The following PCNX1 variants were observed in gnomAD, a reference collection of about 807,000 sequenced individuals.
PCNX1 encodes pecanex-like protein 1.
Under a neutral mutation model 242.2 loss-of-function variants are expected in PCNX1, and 78 were observed. The observed-to-expected ratio is 0.32, with a 90% CI of 0.27 to 0.39. PCNX1 has a LOEUF of 0.39. PCNX1 is among the 10% of genes least tolerant of loss of function. The pLI, the probability that PCNX1 is intolerant of heterozygous loss-of-function variation, is 1.00. For synonymous variants in PCNX1, 1,024 were observed against 1,032.9 expected (o/e 0.99, Z 0.17); for missense variants, 2,581 against 2,856.5 (o/e 0.90, Z 2.20).
intron 8 of PCNX1, 25 bp downstream of exon 8, chr14:70,995,950 A>T (rs778122143): frequency 6.3e-7 from 1 of 1,582,266 alleles, no homozygotes; most frequent in Non-Finnish European, 8.7e-7. Context: ...TGTAATCTTG[A>T]TGATACAAAA....
intron 8 of PCNX1, 35 bp from the exon 9 acceptor site, chr14:71,009,599 C>A: frequency 1.6e-6 from 2 of 1,281,814 alleles, no homozygotes; most frequent in South Asian, 2.9e-5. Context: ...TCTGAGTATT[C>A]TAATGGCTTT....
chr14:71,098,961 T>G (rs2062384597), intron 30 of PCNX1, among the ~76,000 whole-genome samples: 1 of 152,144 alleles, frequency 6.6e-6, no homozygotes, highest in Admixed American at 6.5e-5. Flanking sequence ...TCCTGGAGAT[T>G]TTGGCATGTT....
At chr14:70,918,555 C>A (rs569452048) in intron 1 of PCNX1, among the ~76,000 whole-genome samples, 75 of 152,282 alleles carry the variant, frequency 4.9e-4, no homozygotes, top group Admixed American at 1.6e-3. Context: ...AAATGTGACA[C>A]ACAGACAAAG....
chr14:71,026,170 C>T lies in PCNX1; in HGVS notation c.3237C>T (p.Cys1079=), dbSNP rs370947543. ...GACCAGTTTATTTCTGCATATGTTG[C>T]GGTCTTATTTGGCTCTTGGATTATG... ...YSRPVYFCIC[C]GLIWLLDYGS... The change falls in exon 14 of 36, where the codon TGC becomes TGT. Residue 1079 remains cysteine (C), a synonymous_variant. Transcript: ENST00000304743. The T allele has an allele frequency of 9.0e-5, 145 of 1,609,344 alleles. 3 individuals are homozygous for T. The highest frequency in any genetic ancestry group is 2.8e-4 in the South Asian group (25 of 90,630).
intron 1 of PCNX1, among the ~76,000 whole-genome samples, chr14:70,924,138 G>T (rs539952209): frequency 6.6e-6 from 1 of 151,570 alleles, no homozygotes; most frequent in Non-Finnish European, 1.5e-5. Context: ...AGGCTGAGGT[G>T]GGAGGATTGA....
At chr14:70,959,237 T>C (rs1208962517) in intron 2 of PCNX1, among the ~76,000 whole-genome samples, 1 of 150,958 alleles carries the variant, frequency 6.6e-6, no homozygotes, top group Non-Finnish European at 1.5e-5. Flanking sequence ...TTTTTTTTAA[T>C]TATTATTATA....
At chr14:71,051,186 A>C (rs1307780574) in intron 23 of PCNX1, among the ~76,000 whole-genome samples, 8 of 150,378 alleles carry the variant, frequency 5.3e-5, no homozygotes, top group African/African-American at 1.2e-4. Flanking sequence ...AAAAAAAAAA[A>C]AAAAAAAAAA....
chr14:70,949,290 C>G (rs544327145), intron 2 of PCNX1, among the ~76,000 whole-genome samples: 6 of 144,392 alleles, frequency 4.2e-5, no homozygotes, highest in African/African-American at 1.6e-4. Flanking sequence ...TATACACACA[C>G]GTGTGTACAC....
intron 9 of PCNX1, among the ~76,000 whole-genome samples, chr14:71,010,146 G>A (rs933933354): frequency 2.0e-5 from 3 of 151,994 alleles, no homozygotes; most frequent in African/African-American, 7.2e-5. Context: ...ATGGAAAAAA[G>A]AAAGTATTGT....
At chr14:70,921,943 A>C (rs539635115) in intron 1 of PCNX1, among the ~76,000 whole-genome samples, 8 of 152,262 alleles carry the variant, frequency 5.3e-5, no homozygotes, top group African/African-American at 2.4e-5. Context: ...GTTGTTTTTC[A>C]AAATATATGT....
In PCNX1 at chr14:71,015,031, CAG is replaced by C. The variant is rs551617205; in HGVS notation, c.2996+1830_2996+1831del. Among the ~76,000 whole-genome samples, 38 of 152,186 alleles carry C rather than the reference CAG, an allele frequency of 2.5e-4. 1 individual carries two copies. The South Asian group carries it at 7.7e-3, about 31-fold the overall frequency. ...TGTTGGAAATAACGAAGTGAAAAGA[CAG>C]TAGAGGAGCATCTTTAAAGTACTGA... On this transcript the variant is annotated intron_variant, in intron 11 of 35. Transcript: ENST00000304743.
rs752198891 is a variant in PCNX1, at chr14:71,105,320, A to G, written c.6181A>G (p.Asn2061Asp). 9 of 1,614,056 alleles carry G rather than the reference A, an allele frequency of 5.6e-6. No individual in the cohort carries two copies. The South Asian group carries it at 9.9e-5, about 18-fold the overall frequency. Residue 2061 changes from asparagine (N) to aspartate (D), a missense_variant, in exon 33 of 36, where the codon AAC (asparagine) becomes GAC (aspartate). This residue lies in a region of PCNX1 where 432 missense variants were observed against 433.6 expected (regional missense o/e 1.00). Transcript: ENST00000304743. The part of the protein sequence containing the change: ...DTGGGTSCTG[N>D]NATTANNPHS... ...TGGAGGTGGGACTTCCTGCACTGGT[A>G]ACAATGCAACAACTGCCAACAATCC...
intron 26 of PCNX1, among the ~76,000 whole-genome samples, chr14:71,058,114 TA>T (rs1465767070): frequency 1.3e-5 from 2 of 152,222 alleles, no homozygotes; most frequent in Admixed American, 1.3e-4. Flanking sequence ...TATGTTCATA[TA>T]AACACCATGC....
At chr14:71,099,498 A>C (rs1236084320) in intron 30 of PCNX1, among the ~76,000 whole-genome samples, 1 of 152,214 alleles carries the variant, frequency 6.6e-6, no homozygotes, top group Non-Finnish European at 1.5e-5. Context: ...CTTTATGGCC[A>C]GGCATGTGGT....
At position 71,051,958 on chromosome 14, in the gene PCNX1, C is replaced by T. The variant is rs1367719399; in HGVS notation, c.4523C>T (p.Ala1508Val). 1 of 1,612,050 alleles carries T rather than the reference C, an allele frequency of 6.2e-7. No homozygotes were observed. Residue 1508 changes from alanine (A) to valine (V), a missense_variant, in exon 24 of 36, where the codon GCA becomes GTA. Transcript: ENST00000304743. The part of the protein sequence containing the change: ...STPLNPFLGS[A>V]IFITSYVRPV... Reference sequence around the variant, plus strand: ...CCACTGAACCCCTTTCTGGGAAGTGCAATATTCATCACTTCATATGTCCGA... The same window carrying T: ...CCACTGAACCCCTTTCTGGGAAGTGTAATATTCATCACTTCATATGTCCGA...
intron 30 of PCNX1, among the ~76,000 whole-genome samples, chr14:71,094,195 C>G (rs989997732): frequency 6.6e-6 from 1 of 152,180 alleles, no homozygotes; most frequent in Non-Finnish European, 1.5e-5. Context: ...AGCAGACAGG[C>G]ATACAAATTA....
intron 8 of PCNX1, among the ~76,000 whole-genome samples, chr14:71,002,194 TA>T (rs2140415933): frequency 6.6e-6 from 1 of 152,334 alleles, no homozygotes; most frequent in East Asian, 1.9e-4. Flanking sequence ...TACTACTTTT[TA>T]ATTTTCTGAT....
intron 1 of PCNX1, among the ~76,000 whole-genome samples, chr14:70,913,149 C>G (rs765301024): frequency 3.9e-5 from 6 of 152,210 alleles, no homozygotes; most frequent in Non-Finnish European, 7.3e-5. Context: ...GGGGCCAGGT[C>G]TGATTTACTC....
chr14:71,012,818 CAAAAAAA>C lies in PCNX1; in HGVS notation c.2779-153_2779-147del, dbSNP rs10557318. On this transcript the variant is annotated intron_variant, in intron 10 of 35. Transcript: ENST00000304743. ...CTGTACTTCAGACAAGACTCTGTCT[CAAAAAAA>C]AAAAAAAAAAAAAGTGTATGAGAGA... 2.8e-4 allele frequency: 127 copies of C among 454,546 alleles called. No homozygotes were observed. In the East Asian group the frequency reaches 3.2e-3, roughly 11 times the overall value. 28.2% of individuals were successfully genotyped at this position (454,546 alleles called of 1,614,324 possible).
Sources: gnomAD v4.1 joint callset for allele counts (sites outside exome capture counted in the v4.1 genomes callset) on GRCh38, gnomAD v4.1.1 for gene constraint, gnomAD v4.1.1 regional missense constraint, MANE v1.5 for transcripts, NCBI Gene and HGNC (gene_info 2026-07-23, HGNC 2026-07-21) for gene names.